The following ZNF423 variants were observed in gnomAD, a reference collection of about 807,000 sequenced individuals.
ZNF423 encodes zinc finger protein 423, also known as Ebf-associated zinc finger protein.
A neutral mutation model predicts 95.8 loss-of-function variants in ZNF423; 12 were observed. The ratio of observed to expected loss-of-function variants is 0.13; its 90% CI spans 0.08 to 0.20. The LOEUF (loss-of-function observed/expected upper bound fraction) is 0.20. Ranked by LOEUF, ZNF423 falls within the 10% of genes least tolerant of loss-of-function variation. The pLI is 1.00. For synonymous variants in ZNF423, 749 were observed against 711.9 expected (o/e 1.05, Z -0.83); for missense variants, 1,316 against 1,737.1 (o/e 0.76, Z 4.31).
chr16:49,522,290 G>A (rs1968432570), intron 7 of ZNF423, among the ~76,000 whole-genome samples: 1 of 152,186 alleles, frequency 6.6e-6, no homozygotes, highest in Admixed American at 6.5e-5. Flanking sequence ...ACTTACTCTA[G>A]TCAACACAAT....
intron 3 of ZNF423, among the ~76,000 whole-genome samples, chr16:49,678,712 T>C (rs1390208299): frequency 6.6e-6 from 1 of 152,190 alleles, no homozygotes; most frequent in Non-Finnish European, 1.5e-5. Context: ...CTGACAGATG[T>C]TGGGTATGGC....
intron 2 of ZNF423, among the ~76,000 whole-genome samples, chr16:49,776,191 C>T (rs2034116372): frequency 6.6e-6 from 1 of 152,224 alleles, no homozygotes; most frequent in Non-Finnish European, 1.5e-5. Flanking sequence ...CCTGGGAGGC[C>T]TGGCCAGACC....
At chr16:49,580,475 G>A (rs1006688138) in intron 5 of ZNF423, among the ~76,000 whole-genome samples, 1 of 152,154 alleles carries the variant, frequency 6.6e-6, no homozygotes, top group Non-Finnish European at 1.5e-5. Flanking sequence ...CCAGCAAAGC[G>A]CCTGAAGCAG....
chr16:49,851,062 A>G (rs995532308), intron 1 of ZNF423, among the ~76,000 whole-genome samples: 1 of 152,244 alleles, frequency 6.6e-6, no homozygotes, highest in African/African-American at 2.4e-5. Flanking sequence ...ACCACCTGCC[A>G]CAAAGTCCAG....
chr16:49,565,666 C>T (rs912123672), intron 5 of ZNF423, among the ~76,000 whole-genome samples: 1 of 152,126 alleles, frequency 6.6e-6, no homozygotes, highest in South Asian at 2.1e-4. Flanking sequence ...GGTCTCTAGT[C>T]GATCTACTCA....
chr16:49,850,436 C>T (rs912252048), intron 1 of ZNF423, among the ~76,000 whole-genome samples: 1 of 152,190 alleles, frequency 6.6e-6, no homozygotes, highest in East Asian at 1.9e-4. Context: ...CCTGGCTACC[C>T]AAATAATGGG....
At chr16:49,500,222 A>C (rs1431008808) in intron 7 of ZNF423, among the ~76,000 whole-genome samples, 1 of 152,008 alleles carries the variant, frequency 6.6e-6, no homozygotes, top group East Asian at 1.9e-4. Context: ...TTCTCCAAAG[A>C]AGGTGGGGGT....
intron 5 of ZNF423, among the ~76,000 whole-genome samples, chr16:49,525,740 C>T (rs974898110): frequency 6.6e-6 from 1 of 152,164 alleles, no homozygotes; most frequent in Non-Finnish European, 1.5e-5. Context: ...GTGATTTCTC[C>T]TGCTGATCAA....
chr16:49,603,042 A>AGGGAGGAT lies in ZNF423; in HGVS notation c.3601+23120_3601+23127dup, dbSNP rs1192141928. On this transcript the variant is annotated intron_variant, in intron 5 of 7. Coordinates refer to ENST00000563137, the MANE Select transcript of ZNF423 (RefSeq NM_001379286.1). This position sits in a 1 kb window ranked among gnomAD's most constrained non-coding sequence, Gnocchi z 4.1. ...CGTGTCCCTGAAATGCCAAGGAGAA[A>AGGGAGGAT]GGGAGGATGGGAGGAGGAGGTTCCG... Among the ~76,000 whole-genome samples, 1 of 152,144 alleles carries AGGGAGGAT rather than the reference A, an allele frequency of 6.6e-6. No individual in the cohort carries two copies. Among genetic ancestry groups the AGGGAGGAT allele is most frequent in the African/African-American group, 2.4e-5 (1 of 41,450 alleles).
chr16:49,571,214 T>A (rs1384427555), intron 5 of ZNF423, among the ~76,000 whole-genome samples: 2 of 152,210 alleles, frequency 1.3e-5, no homozygotes, highest in African/African-American at 4.8e-5. Flanking sequence ...TCTTTTTTTT[T>A]AATCCATTTA....
upstream of ZNF423, among the ~76,000 whole-genome samples, chr16:49,856,780 G>C (rs1187285206): frequency 6.8e-6 from 1 of 147,982 alleles, no homozygotes; most frequent in Non-Finnish European, 1.5e-5. Flanking sequence ...CTGCCCTCGG[G>C]CTGCGGTGCT....
At chr16:49,842,714 G>C (rs144833721) in intron 1 of ZNF423, among the ~76,000 whole-genome samples, 1 of 152,160 alleles carries the variant, frequency 6.6e-6, no homozygotes, top group Non-Finnish European at 1.5e-5. Flanking sequence ...CGTAGCTCAC[G>C]CCTGTAATTC....
chr16:49,854,272 C>T lies in ZNF423; in HGVS notation c.40+1463G>A, dbSNP rs963749681. The T allele has an allele frequency of 1.6e-5, 16 of 985,232 alleles. 1 individual carries two copies. Among genetic ancestry groups the T allele is most frequent in the African/African-American group, 7.0e-5 (4 of 57,226 alleles). The allele number at this position is 985,232 out of a possible 1,614,324, so 61.0% of individuals were successfully genotyped here. ...AGGAGTAGGAACGGGCCGGGCGCTC[C>T]GTTTGGACTCAGTTGGTCTCCTTCT... On this transcript the variant is annotated intron_variant, in intron 1 of 7. Coordinates refer to ENST00000563137, the MANE Select transcript of ZNF423 (RefSeq NM_001379286.1).
At chr16:49,714,385 G>A (rs368585619) in intron 3 of ZNF423, among the ~76,000 whole-genome samples, 10 of 152,052 alleles carry the variant, frequency 6.6e-5, no homozygotes, top group South Asian at 2.1e-4. Context: ...GGCCAGGTGC[G>A]GTGGCTCACA....
intron 1 of ZNF423, among the ~76,000 whole-genome samples, chr16:49,795,772 G>A (rs1386734020): frequency 6.6e-6 from 1 of 152,202 alleles, no homozygotes; most frequent in Non-Finnish European, 1.5e-5. Flanking sequence ...AGACTGATGG[G>A]CAACGTCCAG....
At chr16:49,582,107 G>A (rs140326618) in intron 5 of ZNF423, among the ~76,000 whole-genome samples, 221 of 151,954 alleles carry the variant, frequency 1.5e-3, no homozygotes, top group Non-Finnish European at 2.5e-3. Context: ...CCCACCTGAC[G>A]CCTACACGCA....
chr16:49,612,994 T>TAA (rs535982616), intron 5 of ZNF423, among the ~76,000 whole-genome samples: 2 of 138,694 alleles, frequency 1.4e-5, no homozygotes, highest in Non-Finnish European at 1.6e-5. Context: ...TTGAAAACTT[T>TAA]AAAAAAAAAA....
intron 1 of ZNF423, among the ~76,000 whole-genome samples, chr16:49,815,531 A>T (rs1220184248): frequency 3.3e-5 from 5 of 152,130 alleles, no homozygotes; most frequent in Non-Finnish European, 1.5e-5. Context: ...ACGGGTGCCA[A>T]GTCACACAGC....
rs1335067240 is a variant in ZNF423 at position 49,669,348 on chromosome 16, AAAAAGAAAAAAG to A, written c.302-30486_302-30475del. 2.0e-5 allele frequency among the ~76,000 whole-genome samples: 3 copies of A among 152,034 alleles called. No individual in the cohort carries two copies. In the East Asian group the frequency reaches 5.8e-4, roughly 29 times the overall value. ...CCGTCTCAAAAAAAAAAAGAAAAAG[AAAAAGAAAAAAG>A]AAAAGAAAAAAAAATCCATCTCATC... On this transcript the variant is annotated intron_variant, in intron 3 of 7. Transcript: ENST00000563137.
Sources: gnomAD v4.1 joint callset for allele counts (sites outside exome capture counted in the v4.1 genomes callset) on GRCh38, gnomAD v4.1.1 for gene constraint, Gnocchi (gnomAD v3.1) non-coding constraint, MANE v1.5 for transcripts, NCBI Gene and HGNC (gene_info 2026-07-23, HGNC 2026-07-21) for gene names.